PDXP: variants seen among roughly 807,000 people sequenced by gnomAD.
The protein encoded by PDXP is pyridoxal phosphatase.
Under a neutral mutation model 14.4 loss-of-function variants are expected in PDXP, and 15 were observed. The ratio of observed to expected loss-of-function variants is 1.04; its 90% CI spans 0.70 to 1.60. The LOEUF (loss-of-function observed/expected upper bound fraction) is 1.60, where lower values mean the gene tolerates loss of function less well. PDXP is among the 40% of genes most tolerant of loss of function. PDXP has a pLI of 0.00. For missense variants in PDXP, 413 were observed against 427.6 expected (o/e 0.97, Z 0.30); for synonymous variants, 233 against 205.6 (o/e 1.13, Z -1.14).
intron 1 of PDXP, among the ~76,000 whole-genome samples, chr22:37,659,796 G>A (rs1222391690): frequency 1.3e-5 from 2 of 152,314 alleles, no homozygotes; most frequent in East Asian, 1.9e-4. Flanking sequence ...ATCGTGTTCA[G>A]TTACATAACC....
Position 37,658,849 on chromosome 22 carries a change from C to G in PDXP, c.67C>G (p.Leu23Val). The G allele has an allele frequency of 1.7e-6, 2 of 1,208,380 alleles. No homozygotes were observed. Among genetic ancestry groups the G allele is most frequent in the Non-Finnish European group, 2.1e-6 (2 of 971,482 alleles). 74.9% of individuals were successfully genotyped at this position (1,208,380 alleles called of 1,614,324 possible). ...RDVLGRAQGV[L>V]FDCDGVLWNG... ...CGTGCTGGGCCGGGCGCAGGGGGTCCTGTTCGACTGTGACGGGGTGCTGTG... is the reference window on the plus strand; with the variant it reads ...CGTGCTGGGCCGGGCGCAGGGGGTCGTGTTCGACTGTGACGGGGTGCTGTG... The change falls in exon 1 of 2, where the codon CTG becomes GTG. Residue 23 changes from leucine to valine, a missense_variant. Leu to Val is a conservative substitution (Grantham distance 32, BLOSUM62 1). Coordinates refer to ENST00000215904, the MANE Select transcript of PDXP (RefSeq NM_020315.5).
intron 1 of PDXP, among the ~76,000 whole-genome samples, chr22:37,663,951 A>T (rs550481810): frequency 9.2e-6 from 1 of 108,548 alleles, no homozygotes. Context: ...TTTTTGAGCC[A>T]GAGCCTAGCT....
Position 37,665,537 on chromosome 22 carries a change from G to A in PDXP, c.575-18G>A, listed in dbSNP as rs8138057. 2.3e-3 allele frequency: 3,598 copies of A among 1,581,950 alleles called. 70 individuals carry two copies. In the African/African-American group the frequency reaches 0.043, roughly 19 times the overall value. On this transcript the variant is annotated intron_variant, in intron 1 of 1. Coordinates refer to ENST00000215904, the MANE Select transcript of PDXP (RefSeq NM_020315.5). The stretch of plus-strand genomic sequence containing the variant: ...TCCCTGCCGCCCTCCTGCTGACTGC[G>A]TCTCCATCTCCCTACAGGCACCGGG...
Position 37,658,975 on chromosome 22 carries a change from C to T in PDXP, c.193C>T (p.Arg65Trp). The T allele has an allele frequency of 2.5e-6, 3 of 1,203,134 alleles. No homozygotes were observed. The highest frequency in any genetic ancestry group is 6.4e-5 in the South Asian group (2 of 31,476). The allele number at this position is 1,203,134 out of a possible 1,614,324, so 74.5% of individuals were successfully genotyped here. A position where few individuals can be genotyped will look rare whatever the true frequency, so the allele number is the denominator to read the frequency against. The change falls in exon 1 of 2, where the codon CGG becomes TGG. Residue 65 changes from arginine to tryptophan, a missense_variant. Arg to Trp is a moderately radical substitution (Grantham distance 101). Transcript: ENST00000215904. ...TGTGAGCAACAACAGCCGGCGCGCG[C>T]GGCCCGAGCTGGCCCTGCGCTTCGC... ...LFVSNNSRRA[R>W]PELALRFARL...
rs897808499 is a variant in PDXP, at chr22:37,658,990, C to T, written c.208C>T (p.Leu70=). ...CCGGCGCGCGCGGCCCGAGCTGGCC[C>T]TGCGCTTCGCGCGCCTCGGCTTCGG... The part of the protein sequence containing the change: ...NSRRARPELA[L]RFARLGFGGL... Residue 70 remains leucine, a synonymous_variant, in exon 1 of 2, where the codon CTG becomes TTG. Coordinates refer to ENST00000215904, the MANE Select transcript of PDXP (RefSeq NM_020315.5). The T allele has an allele frequency of 4.2e-5, 50 of 1,203,920 alleles. 1 individual carries two copies. In the Admixed American group the frequency reaches 7.7e-4, roughly 18 times the overall value. The allele number at this position is 1,203,920 out of a possible 1,614,324, so 74.6% of individuals were successfully genotyped here.
chr22:37,660,741 G>A (rs765943401), intron 1 of PDXP, among the ~76,000 whole-genome samples: 4 of 152,204 alleles, frequency 2.6e-5, no homozygotes, highest in Non-Finnish European at 5.9e-5. Flanking sequence ...ATGGTATTGA[G>A]TGGAGAGAAG....
At position 37,660,359 on chromosome 22, in the gene PDXP, CCCCTCCAA is replaced by C. The variant is rs372633675; in HGVS notation, c.574+1014_574+1021del. 7.8e-3 allele frequency among the ~76,000 whole-genome samples: 1,190 copies of C among 152,324 alleles called. 10 individuals carry two copies. Among genetic ancestry groups the C allele is most frequent in the Middle Eastern group, 0.051 (15 of 294 alleles). ...AAGTAGGGACAGTCCTCGCAGGCTTCCCCTCCAACCCTCCAACCGCACCCCAATGATGG... is the reference window on the plus strand; with the variant it reads ...AAGTAGGGACAGTCCTCGCAGGCTTCCCCTCCAACCGCACCCCAATGATGG... On this transcript the variant is annotated intron_variant, in intron 1 of 1. Coordinates refer to ENST00000215904, the MANE Select transcript of PDXP (RefSeq NM_020315.5).
At chr22:37,660,980 CTG>C (rs1933191697) in intron 1 of PDXP, among the ~76,000 whole-genome samples, 1 of 152,156 alleles carries the variant, frequency 6.6e-6, no homozygotes, top group African/African-American at 2.4e-5. Flanking sequence ...CCCTATAAGT[CTG>C]TGTTGAGGGC....
In PDXP at chr22:37,659,222, T is replaced by C; in HGVS notation, c.440T>C (p.Leu147Pro). The change falls in exon 1 of 2, where the codon CTT (leucine) becomes CCT (proline). Residue 147 changes from leucine to proline, a missense_variant. Physicochemically the swap from Leu to Pro is moderately conservative, Grantham distance 98. Transcript: ENST00000215904. ...DGAAPRVRAV[L>P]VGYDEHFSFA... ...GCGGCCCCGCGCGTGCGCGCCGTGC[T>C]TGTGGGCTACGACGAGCACTTCTCC... is the stretch of plus-strand genomic sequence containing the variant. The C allele has an allele frequency of 2.3e-6, 3 of 1,302,920 alleles. No homozygotes were observed. The highest frequency in any genetic ancestry group is 2.9e-6 in the Non-Finnish European group (3 of 1,022,338). The allele number at this position is 1,302,920 out of a possible 1,614,324, so 80.7% of individuals were successfully genotyped here.
In PDXP at chr22:37,665,726, G is replaced by A. The variant is rs758065277; in HGVS notation, c.746G>A (p.Arg249His). The A allele has an allele frequency of 2.0e-5, 32 of 1,614,002 alleles. No homozygotes were observed. The highest frequency in any genetic ancestry group is 1.1e-4 in the African/African-American group (8 of 74,950). Reference protein sequence around the residue: ...RLETDILFGHRCGMTTVLTLT... With the variant: ...RLETDILFGHHCGMTTVLTLT... ...GAGACCGACATCCTCTTTGGCCACCGCTGCGGCATGACCACTGTGCTCACG... is the reference window on the plus strand; with the variant it reads ...GAGACCGACATCCTCTTTGGCCACCACTGCGGCATGACCACTGTGCTCACG... The change falls in exon 2 of 2, where the codon CGC becomes CAC. Residue 249 changes from arginine (R) to histidine (H), a missense_variant. Arg to His is a conservative substitution (Grantham distance 29). Coordinates refer to ENST00000215904, the MANE Select transcript of PDXP (RefSeq NM_020315.5).
At chr22:37,663,383 G>T (rs1206425906) in intron 1 of PDXP, among the ~76,000 whole-genome samples, 1 of 151,524 alleles carries the variant, frequency 6.6e-6, no homozygotes, top group African/African-American at 2.4e-5. Flanking sequence ...CTGTCACCCA[G>T]GCTGAAGTGC....
In PDXP at chr22:37,666,815, TTTAC is replaced by T. The variant is rs940588105; in HGVS notation, c.*948_*951del. The stretch of plus-strand genomic sequence containing the variant: ...CCTCTCTCCCGTGCCCACTTGGCTA[TTTAC>T]TTATTTATTTATTGTGTGCCAGTGA... On this transcript the variant is annotated 3_prime_UTR_variant, in exon 2 of 2. Coordinates refer to ENST00000215904, the MANE Select transcript of PDXP (RefSeq NM_020315.5). 6.0e-6 allele frequency: 1 copy of T among 166,228 alleles called. No homozygotes were observed. Among genetic ancestry groups the T allele is most frequent in the African/African-American group, 2.5e-5 (1 of 40,646 alleles). 10.3% of individuals were successfully genotyped at this position (166,228 alleles called of 1,614,324 possible). A position where few individuals can be genotyped will look rare whatever the true frequency, so the allele number is the denominator to read the frequency against.
chr22:37,660,339 G>A (rs545149315), intron 1 of PDXP, among the ~76,000 whole-genome samples: 15 of 152,270 alleles, frequency 9.9e-5, no homozygotes, highest in Middle Eastern at 3.4e-3. Context: ...CTCACAAGTA[G>A]GGACAGTCCT....
chr22:37,658,744 AG>A lies in PDXP; in HGVS notation c.-38del. 1 of 1,082,654 alleles carries A rather than the reference AG, an allele frequency of 9.2e-7. No homozygotes were observed. Among genetic ancestry groups the A allele is most frequent in the Non-Finnish European group, 1.1e-6 (1 of 876,180 alleles). The allele number at this position is 1,082,654 out of a possible 1,614,324, so 67.1% of individuals were successfully genotyped here. A position where few individuals can be genotyped will look rare whatever the true frequency, so the allele number is the denominator to read the frequency against. On this transcript the variant is annotated 5_prime_UTR_variant, in exon 1 of 2. Coordinates refer to ENST00000215904, the MANE Select transcript of PDXP (RefSeq NM_020315.5). ...CAGGGAGAGCGCGCCGTGCCCGCGGAGAGAGCGCGGCGCGGGAGGCCGGCGG... is the reference window on the plus strand; with the variant it reads ...CAGGGAGAGCGCGCCGTGCCCGCGGAAGAGCGCGGCGCGGGAGGCCGGCGG...
chr22:37,659,467 A>T (rs2146086316), intron 1 of PDXP, 111 bp downstream of exon 1: 1 of 828,108 alleles, frequency 1.2e-6, no homozygotes, highest in Non-Finnish European at 1.6e-6. Context: ...GGTGGGGAAC[A>T]GGAGAGTGCG....
intron 1 of PDXP, among the ~76,000 whole-genome samples, chr22:37,662,598 G>C (rs141947522): frequency 1.1e-3 from 164 of 152,326 alleles, no homozygotes; most frequent in Middle Eastern, 0.01. Context: ...ACCATCACAG[G>C]TACGGTGGAA....
chr22:37,665,748 C>T lies in PDXP; in HGVS notation c.768C>T (p.Leu256=). The part of the protein sequence containing the change: ...FGHRCGMTTV[L]TLTGVSRLEE... ...ACCGCTGCGGCATGACCACTGTGCT[C>T]ACGCTCACAGGAGTCTCCCGCCTAG... The change falls in exon 2 of 2, where the codon CTC becomes CTT. Residue 256 remains leucine (L), a synonymous_variant. Transcript: ENST00000215904. 2 of 1,614,088 alleles carry T rather than the reference C, an allele frequency of 1.2e-6. No individual in the cohort carries two copies. Among genetic ancestry groups the T allele is most frequent in the South Asian group, 1.1e-5 (1 of 91,084 alleles).
At chr22:37,660,326 G>A (rs1455944791) in intron 1 of PDXP, among the ~76,000 whole-genome samples, 4 of 152,168 alleles carry the variant, frequency 2.6e-5, no homozygotes. Flanking sequence ...TGGTGTTTCA[G>A]CCCTCACAAG....
rs1004293423 is a variant in PDXP, at chr22:37,666,074, C to T, written c.*203C>T. On this transcript the variant is annotated 3_prime_UTR_variant, in exon 2 of 2. Transcript: ENST00000215904. ...TGGGCACTCTTTGCTGCCCCAGAAG[C>T]TGGTCCCCTATGGATTCATCTTGGC... 4 of 622,550 alleles carry T rather than the reference C, an allele frequency of 6.4e-6. No homozygotes were observed. The highest frequency in any genetic ancestry group is 5.9e-5 in the Admixed American group (2 of 33,676). The allele number at this position is 622,550 out of a possible 1,614,324, so 38.6% of individuals were successfully genotyped here. A position where few individuals can be genotyped will look rare whatever the true frequency, so the allele number is the denominator to read the frequency against.
Sources: gnomAD v4.1 joint callset for allele counts (sites outside exome capture counted in the v4.1 genomes callset) on GRCh38, gnomAD v4.1.1 for gene constraint, MANE v1.5 for transcripts, NCBI Gene and HGNC (gene_info 2026-07-23, HGNC 2026-07-21) for gene names.